Variants in BCAS3 observed in about 807,000 individuals in gnomAD.
The protein encoded by BCAS3 is BCAS4/BCAS3 fusion.
A neutral mutation model predicts 116.1 loss-of-function variants in BCAS3; 53 were observed. That is an observed-to-expected ratio of 0.46 (90% CI 0.37 to 0.57). The LOEUF (loss-of-function observed/expected upper bound fraction) is 0.57, where lower values mean the gene tolerates loss of function less well. BCAS3 is among the 20% of genes least tolerant of loss of function. The probability of loss-of-function intolerance (pLI) is 0.00; values close to 1 mark genes in which losing one functional copy is unlikely to be tolerated. For synonymous variants in BCAS3, 391 were observed against 408.2 expected, an observed-to-expected ratio of 0.96 and a Z score of 0.51; for missense variants, 917 against 1,165.4, an observed-to-expected ratio of 0.79 and a Z score of 3.10.
Position 61,098,573 on chromosome 17 carries a change from C to T in BCAS3, c.2425+14009C>T, listed in dbSNP as rs1301649498. On this transcript the variant is annotated intron_variant, in intron 22 of 23. Coordinates refer to ENST00000407086, the MANE Select transcript of BCAS3 (RefSeq NM_017679.5). This position sits in a 1 kb window ranked among gnomAD's most constrained non-coding sequence, Gnocchi z 4.2. ...TGAGGCTTGGCTTTAAATAATAACA[C>T]ATTTGAGTTTGAGCTTTTCCTGCAA... is the stretch of plus-strand genomic sequence containing the variant. 2.6e-5 allele frequency among the ~76,000 whole-genome samples: 4 copies of T among 152,122 alleles called. No individual in the cohort carries two copies. Among genetic ancestry groups the T allele is most frequent in the South Asian group, 4.1e-4 (2 of 4,828 alleles).
intron 7 of BCAS3, among the ~76,000 whole-genome samples, chr17:60,829,904 T>C (rs890730497): frequency 1.4e-4 from 22 of 152,184 alleles, no homozygotes; most frequent in Admixed American, 5.2e-4. Flanking sequence ...GGATGTGCTT[T>C]TTCTCCACTG....
rs1265518951 is a variant in BCAS3 at position 60,995,717 on chromosome 17, TAAAA to T, written c.1486+5486_1486+5489del. Among the ~76,000 whole-genome samples, 1 of 152,154 alleles carries T rather than the reference TAAAA, an allele frequency of 6.6e-6. No homozygotes were observed. The highest frequency in any genetic ancestry group is 6.5e-5 in the Admixed American group (1 of 15,284). On this transcript the variant is annotated intron_variant, in intron 15 of 23. Transcript: ENST00000407086. The surrounding 1 kb of genome is among the most constrained non-coding windows in gnomAD (Gnocchi z 4.7). ...GAGCTTTTTATTCATAGTAACAACT[TAAAA>T]AAACATCTCCAAGGTGTAGTCATTT...
At chr17:60,689,099 G>A (rs1013155077) in intron 3 of BCAS3, 1 of 152,218 alleles carries the variant, frequency 6.6e-6, no homozygotes, top group Non-Finnish European at 1.5e-5. Context: ...TATAGCGGAT[G>A]GTTAGTCTTT....
rs771400940 is a variant in BCAS3, at chr17:60,791,660, A to G, written c.404-16344A>G. On this transcript the variant is annotated intron_variant, in intron 6 of 23. Coordinates refer to ENST00000407086, the MANE Select transcript of BCAS3 (RefSeq NM_017679.5). ...CCATCTCTGAAAAACAGACACAAGA[A>G]ATGCTTTTTATCACCCAGCCTAAGA... is the stretch of plus-strand genomic sequence containing the variant. Among the ~76,000 whole-genome samples the G allele has an allele frequency of 3.9e-5, 6 of 152,228 alleles. No individual in the cohort carries two copies. The South Asian group carries it at 1.2e-3, about 32-fold the overall frequency.
chr17:61,039,491 C>T (rs748772093), intron 18 of BCAS3, among the ~76,000 whole-genome samples: 15 of 151,670 alleles, frequency 9.9e-5, no homozygotes, highest in Admixed American at 2.0e-4. Context: ...GGCGTGATCT[C>T]GGCTCACTGC....
intron 22 of BCAS3, among the ~76,000 whole-genome samples, chr17:61,297,804 G>A (rs545086842): frequency 1.2e-4 from 18 of 152,266 alleles, no homozygotes; most frequent in South Asian, 4.1e-4. Flanking sequence ...TGCTCTCAAC[G>A]GTATTTTTAT....
At chr17:60,934,754 A>T (rs979407897) in intron 13 of BCAS3, among the ~76,000 whole-genome samples, 1 of 152,234 alleles carries the variant, frequency 6.6e-6, no homozygotes, top group Non-Finnish European at 1.5e-5. Flanking sequence ...TCCCAAAGAT[A>T]TATATTCATT....
chr17:61,245,558 A>C (rs9908090), intron 22 of BCAS3, among the ~76,000 whole-genome samples: 100,113 of 151,820 alleles, frequency 0.66, 38,494 homozygotes, highest in Non-Finnish European at 0.83. Context: ...AGCTGTATAA[A>C]ACTGTTCATT....
rs2080655294 is a variant in BCAS3 at position 61,198,906 on chromosome 17, A to G, written c.2425+114342A>G. ...TACATGTTTCTAAAGCTTTTAAGAT[A>G]ATGATACTTAGAAATCACTGATTGT... On this transcript the variant is annotated intron_variant, in intron 22 of 23. Coordinates refer to ENST00000407086, the MANE Select transcript of BCAS3 (RefSeq NM_017679.5). This position sits in a 1 kb window ranked among gnomAD's most constrained non-coding sequence, Gnocchi z 5.0. Among the ~76,000 whole-genome samples the G allele has an allele frequency of 6.6e-6, 1 of 152,232 alleles. No homozygotes were observed.
At chr17:61,194,354 T>C (rs1601837927) in intron 22 of BCAS3, among the ~76,000 whole-genome samples, 1 of 152,156 alleles carries the variant, frequency 6.6e-6, no homozygotes, top group South Asian at 2.1e-4. Context: ...CCAAATCACA[T>C]CAGTTAATTC....
chr17:61,165,594 G>C (rs1223259579), intron 22 of BCAS3, among the ~76,000 whole-genome samples: 3 of 152,158 alleles, frequency 2.0e-5, no homozygotes, highest in Admixed American at 2.0e-4. Context: ...GCTGAGGCAG[G>C]AGAATTGCTT....
chr17:60,881,485 A>G (rs2056144382), intron 9 of BCAS3, among the ~76,000 whole-genome samples: 1 of 151,376 alleles, frequency 6.6e-6, no homozygotes, highest in Admixed American at 6.6e-5. Flanking sequence ...ACATGTGCAC[A>G]TTGTGCAGGT....
At position 61,122,429 on chromosome 17, in the gene BCAS3, G is replaced by A. The variant is rs935682722; in HGVS notation, c.2425+37865G>A. On this transcript the variant is annotated intron_variant, in intron 22 of 23. Coordinates refer to ENST00000407086, the MANE Select transcript of BCAS3 (RefSeq NM_017679.5). This position sits in a 1 kb window ranked among gnomAD's most constrained non-coding sequence, Gnocchi z 4.6. The stretch of plus-strand genomic sequence containing the variant: ...CTTAAATGAAGGTATACTGAACTTG[G>A]AGATGTCATTTCAGCATTTGGCTGG... 1.3e-5 allele frequency among the ~76,000 whole-genome samples: 2 copies of A among 152,182 alleles called. No homozygotes were observed. Among genetic ancestry groups the A allele is most frequent in the African/African-American group, 4.8e-5 (2 of 41,456 alleles).
chr17:60,680,699 C>T (rs1020414930), intron 2 of BCAS3, among the ~76,000 whole-genome samples: 1 of 151,560 alleles, frequency 6.6e-6, no homozygotes, highest in Non-Finnish European at 1.5e-5. Context: ...GCAGTGGCGC[C>T]GTCTCGGCTC....
chr17:61,044,951 G>A (rs1449963043), intron 19 of BCAS3, among the ~76,000 whole-genome samples: 1 of 151,680 alleles, frequency 6.6e-6, no homozygotes, highest in Non-Finnish European at 1.5e-5. Context: ...TAGTAGAGAT[G>A]GGGTTTCACC....
At position 61,228,484 on chromosome 17, in the gene BCAS3, G is replaced by A. The variant is rs144843894; in HGVS notation, c.2426-139843G>A. On this transcript the variant is annotated intron_variant, in intron 22 of 23. Coordinates refer to ENST00000407086, the MANE Select transcript of BCAS3 (RefSeq NM_017679.5). This position sits in a 1 kb window ranked among gnomAD's most constrained non-coding sequence, Gnocchi z 5.0. ...GATATTGCATTTTTTACAAATTGAA[G>A]ATTTGTGGCAACTGTGTTAAGTGTG... Among the ~76,000 whole-genome samples, 25 of 152,304 alleles carry A rather than the reference G, an allele frequency of 1.6e-4. No homozygotes were observed. The highest frequency in any genetic ancestry group is 5.8e-4 in the African/African-American group (24 of 41,570).
chr17:60,735,825 CT>C (rs932002618), intron 5 of BCAS3, among the ~76,000 whole-genome samples: 29 of 149,166 alleles, frequency 1.9e-4, no homozygotes, highest in Admixed American at 1.7e-3. Flanking sequence ...GAGTTTTTTT[CT>C]TTTTTTTCAT....
In BCAS3 at chr17:61,343,162, A is replaced by G. The variant is rs1485350395; in HGVS notation, c.2426-25165A>G. On this transcript the variant is annotated intron_variant, in intron 22 of 23. Transcript: ENST00000407086. This position sits in a 1 kb window ranked among gnomAD's most constrained non-coding sequence, Gnocchi z 5.5. Reference sequence around the variant, plus strand: ...TCAATTCGTGGAGGGGTGGCACCAAATGCCTCTATCATCCCTCTCTGCCAT... The same window carrying G: ...TCAATTCGTGGAGGGGTGGCACCAAGTGCCTCTATCATCCCTCTCTGCCAT... Among the ~76,000 whole-genome samples the G allele has an allele frequency of 6.6e-6, 1 of 152,180 alleles. No individual in the cohort carries two copies. Among genetic ancestry groups the G allele is most frequent in the Non-Finnish European group, 1.5e-5 (1 of 68,038 alleles).
rs185847636 is a variant in BCAS3 at position 61,022,323 on chromosome 17, C to T, written c.1637+6422C>T. On this transcript the variant is annotated intron_variant, in intron 16 of 23. Coordinates refer to ENST00000407086, the MANE Select transcript of BCAS3 (RefSeq NM_017679.5). ...GGAGAGCAGTGGCGTGATCTTGGCT[C>T]ACTGCAAGCTCCGCCTCCTGGGTTC... Among the ~76,000 whole-genome samples the T allele has an allele frequency of 5.6e-3, 859 of 152,222 alleles. 9 individuals are homozygous for T. The highest frequency in any genetic ancestry group is 0.024 in the South Asian group (115 of 4,822).
Sources: gnomAD v4.1 joint callset for allele counts (sites outside exome capture counted in the v4.1 genomes callset) on GRCh38, gnomAD v4.1.1 for gene constraint, Gnocchi (gnomAD v3.1) non-coding constraint, MANE v1.5 for transcripts, NCBI Gene and HGNC (gene_info 2026-07-23, HGNC 2026-07-21) for gene names.